The following KCNJ1 variants were observed in gnomAD, a reference collection of about 807,000 sequenced individuals.
KCNJ1 encodes the protein potassium inwardly rectifying channel subfamily J member 1.
Under a neutral mutation model 21.9 loss-of-function variants are expected in KCNJ1, and 24 were observed. The ratio of observed to expected loss-of-function variants is 1.10; its 90% CI spans 0.79 to 1.54. KCNJ1 has a LOEUF of 1.54. Ranked by LOEUF, KCNJ1 falls within the 40% of genes most tolerant of loss-of-function variation. The pLI, the probability that KCNJ1 is intolerant of heterozygous loss-of-function variation, is 0.00. For missense variants in KCNJ1, 457 were observed against 455.4 expected (o/e 1.00, Z -0.03); for synonymous variants, 152 against 160.9 (o/e 0.94, Z 0.42).
chr11:128,863,514 G>T (rs1383697568), intron 1 of KCNJ1, among the ~76,000 whole-genome samples: 1 of 152,196 alleles, frequency 6.6e-6, no homozygotes, highest in Non-Finnish European at 1.5e-5. Flanking sequence ...GTAACAACAG[G>T]CTTCTTCTGA....
At chr11:128,866,267 C>G (rs771323083) in intron 1 of KCNJ1, among the ~76,000 whole-genome samples, 1 of 152,262 alleles carries the variant, frequency 6.6e-6, no homozygotes, top group Non-Finnish European at 1.5e-5. Context: ...CCAGGGAAGG[C>G]AGCGTGCAGC....
intron 1 of KCNJ1, among the ~76,000 whole-genome samples, chr11:128,861,576 T>C (rs891089825): frequency 1.3e-5 from 2 of 152,226 alleles, no homozygotes; most frequent in Non-Finnish European, 1.5e-5. Context: ...GAGGTGACTG[T>C]CGTCAGAAAC....
At position 128,850,874 on chromosome 11, in the gene KCNJ1, C is replaced by T; in HGVS notation, c.-175G>A. 2.0e-6 allele frequency: 2 copies of T among 985,394 alleles called. No homozygotes were observed. Among genetic ancestry groups the T allele is most frequent in the Non-Finnish European group, 2.4e-6 (2 of 829,932 alleles). The allele number at this position is 985,394 out of a possible 1,614,324, so 61.0% of individuals were successfully genotyped here. A position where few individuals can be genotyped will look rare whatever the true frequency, so the allele number is the denominator to read the frequency against. On this transcript the variant is annotated 5_prime_UTR_variant, in exon 2 of 3. Coordinates refer to ENST00000392666, the MANE Select transcript of KCNJ1 (RefSeq NM_153766.3). ...TCAGGGCCCAGGATGGGGATGAAGGCACAGTAGAGAAGAAACCTGGTAAAA... is the reference window on the plus strand; with the variant it reads ...TCAGGGCCCAGGATGGGGATGAAGGTACAGTAGAGAAGAAACCTGGTAAAA...
In KCNJ1 at chr11:128,839,233, G is replaced by C. The variant is rs764000831; in HGVS notation, c.1011C>G (p.Ala337=). The change falls in exon 3 of 3, where the codon GCC becomes GCG. Residue 337 remains alanine (A), a synonymous_variant. Transcript: ENST00000392666. Reference sequence around the variant, plus strand: ...CATCTTTCTCATTATAAAGGCACATGGCACAGTGAGGGGTCTCCACTTCCA... The same window carrying C: ...CATCTTTCTCATTATAAAGGCACATCGCACAGTGAGGGGTCTCCACTTCCA... The part of the protein sequence containing the change: ...KTVEVETPHC[A]MCLYNEKDVR... 6.2e-7 allele frequency: 1 copy of C among 1,613,982 alleles called. No homozygotes were observed. Among genetic ancestry groups the C allele is most frequent in the South Asian group, 1.1e-5 (1 of 91,074 alleles).
chr11:128,851,418 T>C (rs1393587722), intron 1 of KCNJ1, among the ~76,000 whole-genome samples: 2 of 152,260 alleles, frequency 1.3e-5, no homozygotes, highest in Non-Finnish European at 2.9e-5. Context: ...ATAATCATTC[T>C]TCCACTTGTT....
At chr11:128,862,640 C>T (rs973618929) in intron 1 of KCNJ1, among the ~76,000 whole-genome samples, 3 of 152,328 alleles carry the variant, frequency 2.0e-5, no homozygotes, top group South Asian at 2.1e-4. Context: ...CATCCCCTCA[C>T]GGGGACCAGA....
intron 2 of KCNJ1, among the ~76,000 whole-genome samples, chr11:128,849,394 C>T (rs78749375): frequency 0.032 from 4,900 of 152,324 alleles, 252 homozygotes; most frequent in African/African-American, 0.11. Context: ...TGAGTGATCA[C>T]ATGAGAGGGT....
Position 128,839,722 on chromosome 11 carries a change from C to G in KCNJ1, c.522G>C (p.Thr174=). ...SRPKKRAKTI[T]FSKNAVISKR... Reference sequence around the variant, plus strand: ...TGCTGATCACTGCGTTCTTGCTGAACGTAATGGTCTTGGCACGTTTTTTGG... The same window carrying G: ...TGCTGATCACTGCGTTCTTGCTGAAGGTAATGGTCTTGGCACGTTTTTTGG... The change falls in exon 3 of 3, where the codon ACG becomes ACC. Residue 174 remains threonine, a synonymous_variant. Coordinates refer to ENST00000392666, the MANE Select transcript of KCNJ1 (RefSeq NM_153766.3). 1 of 1,613,476 alleles carries G rather than the reference C, an allele frequency of 6.2e-7. No individual in the cohort carries two copies. The highest frequency in any genetic ancestry group is 8.5e-7 in the Non-Finnish European group (1 of 1,179,816).
At chr11:128,858,016 T>C (rs1354182062) in intron 1 of KCNJ1, among the ~76,000 whole-genome samples, 1 of 151,968 alleles carries the variant, frequency 6.6e-6, no homozygotes, top group Admixed American at 6.5e-5. Flanking sequence ...AGCTAAACCC[T>C]GTGCAAGAGC....
chr11:128,848,655 G>A (rs550007982), intron 2 of KCNJ1, among the ~76,000 whole-genome samples: 73 of 152,318 alleles, frequency 4.8e-4, no homozygotes, highest in African/African-American at 1.5e-3. Context: ...CAGGGGCTGT[G>A]AGGAACAGTG....
chr11:128,840,525 A>G (rs1943265851), intron 2 of KCNJ1, among the ~76,000 whole-genome samples: 1 of 152,226 alleles, frequency 6.6e-6, no homozygotes, highest in Non-Finnish European at 1.5e-5. Context: ...AAGTGATTAT[A>G]TATTCAAGTG....
chr11:128,842,632 T>A, intron 2 of KCNJ1: 1 of 972,732 alleles, frequency 1.0e-6, no homozygotes, highest in Non-Finnish European at 1.5e-6. Flanking sequence ...AGGTATTTTT[T>A]CTTTCCAACA....
intron 2 of KCNJ1, among the ~76,000 whole-genome samples, chr11:128,842,724 C>T (rs1943306684): frequency 1.3e-5 from 2 of 152,140 alleles, no homozygotes. Context: ...GATTGGGTTC[C>T]AGCATTGCCT....
In KCNJ1 at chr11:128,839,566, G is replaced by A; in HGVS notation, c.678C>T (p.Asp226=). Residue 226 remains aspartate (D), a synonymous_variant, in exon 3 of 3, where the codon GAC becomes GAT. Coordinates refer to ENST00000392666, the MANE Select transcript of KCNJ1 (RefSeq NM_153766.3). ...CAACTACAAAGTTGATATTGATCTG[G>A]TCCAAAATAATGGTCTCTCCTTCAG... The part of the protein sequence containing the change: ...VTPEGETIIL[D]QININFVVDA... 17 of 1,614,106 alleles carry A rather than the reference G, an allele frequency of 1.1e-5. No homozygotes were observed. Among genetic ancestry groups the A allele is most frequent in the Non-Finnish European group, 1.4e-5 (17 of 1,180,006 alleles).
intron 1 of KCNJ1, among the ~76,000 whole-genome samples, chr11:128,854,778 G>C (rs75119310): frequency 5.9e-5 from 9 of 152,184 alleles, no homozygotes; most frequent in Non-Finnish European, 1.3e-4. Flanking sequence ...ATCTGGATTA[G>C]CACAAATCGT....
chr11:128,866,228 G>T (rs903405653), intron 1 of KCNJ1, among the ~76,000 whole-genome samples: 2 of 152,246 alleles, frequency 1.3e-5, no homozygotes, highest in Middle Eastern at 6.8e-3. Flanking sequence ...GATTCTAACT[G>T]CCCTCCAGCC....
rs75088315 is a variant in KCNJ1, at chr11:128,840,199, C to T, written c.45G>A (p.Gly15=). The T allele has an allele frequency of 3.2e-3, 5,190 of 1,614,018 alleles. 153 individuals carry two copies. The African/African-American group carries it at 0.062, about 19-fold the overall frequency. Residue 15 remains glycine, a synonymous_variant, in exon 3 of 3, where the codon GGG becomes GGA. Coordinates refer to ENST00000392666, the MANE Select transcript of KCNJ1 (RefSeq NM_153766.3). The part of the protein sequence containing the change: ...LRKWVVTRFF[G]HSRQRARLVS... Reference sequence around the variant, plus strand: ...CTAGCCTTGCTCTTTGCCGAGAATGCCCAAAAAAGCGAGTGACGACCCATT... The same window carrying T: ...CTAGCCTTGCTCTTTGCCGAGAATGTCCAAAAAAGCGAGTGACGACCCATT...
intron 1 of KCNJ1, among the ~76,000 whole-genome samples, chr11:128,853,787 C>A (rs1046766088): frequency 6.6e-6 from 1 of 152,236 alleles, no homozygotes; most frequent in South Asian, 2.1e-4. Flanking sequence ...GTTGGAACCT[C>A]GGCTGAACTC....
At position 128,840,032 on chromosome 11, in the gene KCNJ1, C is replaced by T; in HGVS notation, c.212G>A (p.Gly71Glu). 6.2e-7 allele frequency: 1 copy of T among 1,614,088 alleles called. No individual in the cohort carries two copies. Among genetic ancestry groups the T allele is most frequent in the Non-Finnish European group, 8.5e-7 (1 of 1,179,976 alleles). Residue 71 changes from glycine to glutamate, a missense_variant, in exon 3 of 3, where the codon GGG becomes GAG. Coordinates refer to ENST00000392666, the MANE Select transcript of KCNJ1 (RefSeq NM_153766.3). The part of the protein sequence containing the change: ...KMTIFITAFL[G>E]SWFFFGLLWY... Reference sequence around the variant, plus strand: ...CAGGAGACCAAAGAAAAACCAACTCCCCAAGAAGGCTGTGATGAAAATGGT... The same window carrying T: ...CAGGAGACCAAAGAAAAACCAACTCTCCAAGAAGGCTGTGATGAAAATGGT...
Sources: gnomAD v4.1 joint callset for allele counts (sites outside exome capture counted in the v4.1 genomes callset) on GRCh38, gnomAD v4.1.1 for gene constraint, MANE v1.5 for transcripts, NCBI Gene and HGNC (gene_info 2026-07-23, HGNC 2026-07-21) for gene names.